Variants in MYPN observed in about 807,000 individuals in gnomAD.
The protein encoded by MYPN is myopalladin.
A neutral mutation model predicts 129.4 loss-of-function variants in MYPN; 63 were observed. The ratio of observed to expected loss-of-function variants is 0.49; its 90% CI spans 0.40 to 0.60. The LOEUF (loss-of-function observed/expected upper bound fraction) is 0.60, where lower values mean the gene tolerates loss of function less well. Among genes scored for constraint, MYPN ranks in the 20% least tolerant of loss-of-function variants. MYPN has a pLI of 0.00. For synonymous variants in MYPN, 629 were observed against 600.9 expected, an observed-to-expected ratio of 1.05 and a Z score of -0.68; for missense variants, 1,596 against 1,635.4, an observed-to-expected ratio of 0.98 and a Z score of 0.42.
Position 68,170,154 on chromosome 10 carries a change from C to G in MYPN, c.1973+3488C>G, listed in dbSNP as rs115220868. On this transcript the variant is annotated intron_variant, in intron 10 of 19. Transcript: ENST00000358913. ...ATTTAGGCAGATGGGACACTAGTTG[C>G]AAAGGAGGCTGGAAGTACAGTCCCT... Among the ~76,000 whole-genome samples, 1,383 of 152,260 alleles carry G rather than the reference C, an allele frequency of 9.1e-3. 14 individuals carry two copies. The highest frequency in any genetic ancestry group is 0.032 in the African/African-American group (1,313 of 41,548).
Position 68,143,106 on chromosome 10 carries a change from T to C in MYPN, c.1069T>C (p.Tyr357His). The change falls in exon 3 of 20, where the codon TAT becomes CAT. Residue 357 changes from tyrosine (Y) to histidine (H), a missense_variant. By Grantham distance (83) the Tyr-to-His change is moderately conservative. Coordinates refer to ENST00000358913, the MANE Select transcript of MYPN (RefSeq NM_032578.4). ...YGTDSTSAEI[Y>H]IEGVSSSDSE... ...GACAGATTCGACTTCTGCTGAGATT[T>C]ATATAGAAGGTAAAACAAAATGCTC... 1 of 1,614,022 alleles carries C rather than the reference T, an allele frequency of 6.2e-7. No individual in the cohort carries two copies. Among genetic ancestry groups the C allele is most frequent in the Non-Finnish European group, 8.5e-7 (1 of 1,179,954 alleles).
Position 68,121,815 on chromosome 10 carries a change from C to A in MYPN, c.377C>A (p.Thr126Asn). 6.2e-7 allele frequency: 1 copy of A among 1,614,190 alleles called. No individual in the cohort carries two copies. The highest frequency in any genetic ancestry group is 1.1e-5 in the South Asian group (1 of 91,088). ...NFCQDNPRSP[T>N]SSKESPQEAK... ...TGCCAGGATAACCCTCGAAGTCCCA[C>A]CAGCTCTAAAGAAAGCCCCCAGGAG... Residue 126 changes from threonine to asparagine, a missense_variant, in exon 2 of 20, where the codon ACC (threonine) becomes AAC (asparagine). Physicochemically the swap from Thr to Asn is moderately conservative, Grantham distance 65 (BLOSUM62 0). Coordinates refer to ENST00000358913, the MANE Select transcript of MYPN (RefSeq NM_032578.4).
At chr10:68,148,840 G>A (rs1033830043) in intron 5 of MYPN, among the ~76,000 whole-genome samples, 3 of 152,150 alleles carry the variant, frequency 2.0e-5, no homozygotes, top group South Asian at 2.1e-4. Flanking sequence ...CTAAGACGAA[G>A]CAAGCATGTA....
intron 10 of MYPN, among the ~76,000 whole-genome samples, chr10:68,169,181 T>TAAAAAAAAAAAAAAAAAAAAAA (rs59317396): frequency 2.2e-5 from 2 of 91,072 alleles, no homozygotes; most frequent in African/African-American, 1.3e-4. Flanking sequence ...CCGTCTCTAC[T>TAAAAAAAAAAAAAAAAAAAAAA]AAAAAAAAAA....
At chr10:68,183,802 T>C (rs1194192059) in intron 12 of MYPN, among the ~76,000 whole-genome samples, 1 of 151,918 alleles carries the variant, frequency 6.6e-6, no homozygotes, top group Admixed American at 6.6e-5. Flanking sequence ...AGTGGGAGGA[T>C]TGCTTGAGCC....
intron 1 of MYPN, among the ~76,000 whole-genome samples, chr10:68,110,520 A>G (rs1589518518): frequency 6.6e-6 from 1 of 152,238 alleles, no homozygotes; most frequent in Admixed American, 6.5e-5. Flanking sequence ...TTATATGCTT[A>G]TTAAAGATAT....
intron 12 of MYPN, among the ~76,000 whole-genome samples, chr10:68,180,401 G>T (rs778800702): frequency 7.2e-5 from 11 of 152,144 alleles, no homozygotes; most frequent in Non-Finnish European, 1.3e-4. Context: ...GCCCAGGCTG[G>T]TCTTGAACTC....
chr10:68,153,911 G>T (rs534340084), intron 6 of MYPN, among the ~76,000 whole-genome samples: 26 of 150,786 alleles, frequency 1.7e-4, no homozygotes, highest in African/African-American at 5.9e-4. Context: ...GCCAATCGTG[G>T]CAAGAAGCCA....
At chr10:68,176,464 T>C (rs183032275) in intron 12 of MYPN, among the ~76,000 whole-genome samples, 1 of 152,196 alleles carries the variant, frequency 6.6e-6, no homozygotes, top group Non-Finnish European at 1.5e-5. Context: ...TGTGGACTCC[T>C]AGAAACAAAG....
chr10:68,152,853 G>T (rs1052471509), intron 6 of MYPN, among the ~76,000 whole-genome samples: 1 of 152,016 alleles, frequency 6.6e-6, no homozygotes, highest in African/African-American at 2.4e-5. Context: ...GGTCAGGCTG[G>T]TCTAAAACTC....
At chr10:68,099,145 C>T (rs749837946) in intron 1 of MYPN, among the ~76,000 whole-genome samples, 1 of 152,134 alleles carries the variant, frequency 6.6e-6, no homozygotes. Context: ...ATTTGGCACA[C>T]ATTTATTGCT....
chr10:68,141,313 G>A (rs1339708749), intron 2 of MYPN, among the ~76,000 whole-genome samples: 1 of 151,668 alleles, frequency 6.6e-6, no homozygotes, highest in Non-Finnish European at 1.5e-5. Context: ...AGGTTGCAGT[G>A]AGTGGAGATC....
intron 18 of MYPN, among the ~76,000 whole-genome samples, chr10:68,204,725 C>CAAAAAAAAA (rs33973275): frequency 2.2e-5 from 2 of 89,358 alleles, no homozygotes; most frequent in Non-Finnish European, 4.1e-5. Context: ...GACTCTGTCT[C>CAAAAAAAAA]AAAAAAAAAA....
chr10:68,195,186 A>G (rs190793720), intron 14 of MYPN, among the ~76,000 whole-genome samples: 136 of 152,376 alleles, frequency 8.9e-4, no homozygotes, highest in African/African-American at 3.1e-3. Context: ...AGTTAAGTAC[A>G]TAAGAATTCA....
intron 1 of MYPN, among the ~76,000 whole-genome samples, chr10:68,111,094 G>C (rs1269422371): frequency 6.6e-6 from 1 of 152,160 alleles, no homozygotes; most frequent in Non-Finnish European, 1.5e-5. Flanking sequence ...GCTTACAAAG[G>C]CACTTTCAGT....
intron 2 of MYPN, among the ~76,000 whole-genome samples, chr10:68,136,443 A>T (rs1182205547): frequency 6.6e-6 from 1 of 152,188 alleles, no homozygotes; most frequent in Non-Finnish European, 1.5e-5. Flanking sequence ...CCTAACATGG[A>T]TGGAGGTTTG....
At chr10:68,176,191 C>T (rs1217729438) in intron 12 of MYPN, among the ~76,000 whole-genome samples, 2 of 152,134 alleles carry the variant, frequency 1.3e-5, no homozygotes, top group Non-Finnish European at 2.9e-5. Flanking sequence ...GTTGTTCATC[C>T]TATACAACTC....
At chr10:68,176,021 G>T (rs1051197998) in intron 12 of MYPN, among the ~76,000 whole-genome samples, 2 of 152,152 alleles carry the variant, frequency 1.3e-5, no homozygotes, top group African/African-American at 4.8e-5. Flanking sequence ...GGGATTACAG[G>T]CATAAGACAC....
chr10:68,149,234 C>A (rs1412369878), intron 5 of MYPN, among the ~76,000 whole-genome samples: 1 of 152,020 alleles, frequency 6.6e-6, no homozygotes, highest in African/African-American at 2.4e-5. Context: ...CACTCCCCCC[C>A]GAAAAATGTA....
Sources: gnomAD v4.1 joint callset for allele counts (sites outside exome capture counted in the v4.1 genomes callset) on GRCh38, gnomAD v4.1.1 for gene constraint, MANE v1.5 for transcripts, NCBI Gene and HGNC (gene_info 2026-07-23, HGNC 2026-07-21) for gene names.